The following KCNQ5 variants were observed in gnomAD, a reference collection of about 807,000 sequenced individuals.
KCNQ5 encodes potassium voltage-gated channel subfamily KQT member 5.
A neutral mutation model predicts 98.2 loss-of-function variants in KCNQ5; 30 were observed. That is an observed-to-expected ratio of 0.31 (90% CI 0.23 to 0.41). KCNQ5 has a LOEUF of 0.41. Among genes scored for constraint, KCNQ5 ranks in the 10% least tolerant of loss-of-function variants. The pLI, the probability that KCNQ5 is intolerant of heterozygous loss-of-function variation, is 1.00. For missense variants in KCNQ5, 835 were observed against 1,182.5 expected (o/e 0.71, Z 4.31); for synonymous variants, 458 against 449.4 (o/e 1.02, Z -0.24).
chr6:72,898,117 G>A (rs776872765), intron 1 of KCNQ5, among the ~76,000 whole-genome samples: 1 of 152,038 alleles, frequency 6.6e-6, no homozygotes, highest in African/African-American at 2.4e-5. Flanking sequence ...AGGGGAAAAT[G>A]TCTGTATACA....
chr6:73,060,028 A>G (rs984368486), intron 3 of KCNQ5, among the ~76,000 whole-genome samples: 2 of 152,176 alleles, frequency 1.3e-5, no homozygotes, highest in Non-Finnish European at 2.9e-5. Context: ...TACTACTCCA[A>G]TGGAATAAAA....
intron 1 of KCNQ5, among the ~76,000 whole-genome samples, chr6:72,703,381 G>C (rs979146937): frequency 2.0e-5 from 3 of 152,128 alleles, no homozygotes; most frequent in Admixed American, 1.3e-4. Context: ...CCACGTCCTG[G>C]CATATCTGAA....
At chr6:73,184,668 G>A (rs1582503222) in intron 11 of KCNQ5, among the ~76,000 whole-genome samples, 1 of 152,338 alleles carries the variant, frequency 6.6e-6, no homozygotes, top group East Asian at 1.9e-4. Context: ...ACCTCACAGT[G>A]CATTTGAAAG....
In KCNQ5 at chr6:73,067,863, GATATATATATATATAT is replaced by G. The variant is rs71695883; in HGVS notation, c.617-9431_617-9416del. Among the ~76,000 whole-genome samples, 43 of 4,386 alleles carry G rather than the reference GATATATATATATATAT, an allele frequency of 9.8e-3. 1 individual carries two copies. Among genetic ancestry groups the G allele is most frequent in the Admixed American group, 0.015 (3 of 204 alleles). The allele number at this position is 4,386 out of a possible 152,430, so 2.9% of individuals were successfully genotyped here. A position where few individuals can be genotyped will look rare whatever the true frequency, so the allele number is the denominator to read the frequency against. ...GCTATTAAAGATCATTTGGACAAAA[GATATATATATATATAT>G]ATATATATATATATATATATATATA... On this transcript the variant is annotated intron_variant, in intron 3 of 13. Coordinates refer to ENST00000370398, the MANE Select transcript of KCNQ5 (RefSeq NM_019842.4).
intron 6 of KCNQ5, among the ~76,000 whole-genome samples, chr6:73,105,701 T>A (rs188375364): frequency 6.6e-6 from 1 of 152,288 alleles, no homozygotes; most frequent in Admixed American, 6.5e-5. Context: ...AACTGATCCT[T>A]CCAATTTGGT....
chr6:72,676,119 G>A (rs532421292), intron 1 of KCNQ5, among the ~76,000 whole-genome samples: 17 of 152,294 alleles, frequency 1.1e-4, no homozygotes, highest in African/African-American at 3.8e-4. Context: ...TGGATAATGG[G>A]AGGTAACTAA....
At chr6:72,790,811 T>A (rs1448570255) in intron 1 of KCNQ5, among the ~76,000 whole-genome samples, 1 of 152,166 alleles carries the variant, frequency 6.6e-6, no homozygotes, top group Non-Finnish European at 1.5e-5. Flanking sequence ...AAGAATAAAG[T>A]ACACGGTATT....
At chr6:72,711,050 A>C (rs1769342331) in intron 1 of KCNQ5, among the ~76,000 whole-genome samples, 1 of 152,138 alleles carries the variant, frequency 6.6e-6, no homozygotes, top group African/African-American at 2.4e-5. Flanking sequence ...AAAATTAGCA[A>C]ATATGTGGAA....
At chr6:72,997,132 G>A (rs1769340781) in intron 1 of KCNQ5, among the ~76,000 whole-genome samples, 2 of 152,122 alleles carry the variant, frequency 1.3e-5, no homozygotes, top group Non-Finnish European at 2.9e-5. Flanking sequence ...GGTTTAGAGA[G>A]ACACTGCACA....
chr6:72,982,809 C>G (rs189050166), intron 1 of KCNQ5, among the ~76,000 whole-genome samples: 1 of 152,098 alleles, frequency 6.6e-6, no homozygotes, highest in South Asian at 2.1e-4. Flanking sequence ...TGTCTGGTAC[C>G]GGTTGTTGCT....
At chr6:72,863,869 G>GT (rs1562032581) in intron 1 of KCNQ5, among the ~76,000 whole-genome samples, 1 of 152,164 alleles carries the variant, frequency 6.6e-6, no homozygotes, top group African/African-American at 2.4e-5. Flanking sequence ...ACAAATAATT[G>GT]TAAGTCTTGT....
intron 1 of KCNQ5, among the ~76,000 whole-genome samples, chr6:72,865,998 C>A (rs1347645125): frequency 6.6e-6 from 1 of 152,118 alleles, no homozygotes; most frequent in Non-Finnish European, 1.5e-5. Context: ...ATCTTGAGAG[C>A]TTTACATTAT....
chr6:72,718,990 GGA>G (rs1455285721), intron 1 of KCNQ5, among the ~76,000 whole-genome samples: 1 of 152,152 alleles, frequency 6.6e-6, no homozygotes, highest in Non-Finnish European at 1.5e-5. Flanking sequence ...ATGGAAAAAT[GGA>G]GAGAGGTAGA....
intron 1 of KCNQ5, among the ~76,000 whole-genome samples, chr6:72,989,663 A>C: frequency 4.8e-3 from 1 of 210 alleles, no homozygotes; most frequent in Non-Finnish European, 9.8e-3. Context: ...TAGTTTAATT[A>C]GATCCCATTT....
At chr6:72,824,781 G>GTC (rs750359855) in intron 1 of KCNQ5, among the ~76,000 whole-genome samples, 179 of 148,220 alleles carry the variant, frequency 1.2e-3, no homozygotes, top group Non-Finnish European at 1.9e-3. Context: ...TTCTTTCTCT[G>GTC]TCTCTGTGTG....
chr6:72,759,362 G>GA (rs534905398), intron 1 of KCNQ5, among the ~76,000 whole-genome samples: 4 of 151,732 alleles, frequency 2.6e-5, no homozygotes, highest in African/African-American at 4.8e-5. Flanking sequence ...AGTTATAAGG[G>GA]AAAAAAAATA....
intron 2 of KCNQ5, among the ~76,000 whole-genome samples, chr6:73,033,730 A>AT (rs1207672960): frequency 6.9e-5 from 6 of 86,716 alleles, no homozygotes; most frequent in African/African-American, 2.6e-4. Context: ...CCTTCCCCCC[A>AT]TACCCACCCC....
At position 73,128,362 on chromosome 6, in the gene KCNQ5, G is replaced by A. The variant is rs778794528; in HGVS notation, c.1247+3850G>A. Among the ~76,000 whole-genome samples the A allele has an allele frequency of 7.2e-4, 110 of 152,246 alleles. 1 individual carries two copies. Among genetic ancestry groups the A allele is most frequent in the Middle Eastern group, 3.4e-3 (1 of 294 alleles). ...TTGATTTCATTCTATTAAAAAATTA[G>A]TTGGAAAAGTCATTTTTAAAATGGG... On this transcript the variant is annotated intron_variant, in intron 9 of 13. Transcript: ENST00000370398.
chr6:73,134,556 T>C (rs988184274), intron 10 of KCNQ5, among the ~76,000 whole-genome samples: 3 of 152,216 alleles, frequency 2.0e-5, no homozygotes, highest in South Asian at 4.1e-4. Flanking sequence ...TGCAGTGAAG[T>C]CCCTGGAACC....
Sources: gnomAD v4.1 joint callset for allele counts (sites outside exome capture counted in the v4.1 genomes callset) on GRCh38, gnomAD v4.1.1 for gene constraint, MANE v1.5 for transcripts, NCBI Gene and HGNC (gene_info 2026-07-23, HGNC 2026-07-21) for gene names.